LGI3: variants seen among roughly 807,000 people sequenced by gnomAD.
LGI3 encodes leucine-rich repeat LGI family member 3.
A neutral mutation model predicts 55.4 loss-of-function variants in LGI3; 47 were observed. That is an observed-to-expected ratio of 0.85 (90% CI 0.67 to 1.08). The LOEUF is 1.08. Among genes scored for constraint, LGI3 ranks in the 50% least tolerant of loss-of-function variants. The pLI is 0.00. For missense variants in LGI3, 664 were observed against 726.3 expected (o/e 0.91, Z 0.99); for synonymous variants, 326 against 315.0 (o/e 1.04, Z -0.37).
chr8:22,156,292 C>A, intron 1 of LGI3, 45 bp downstream of exon 1: 1 of 1,599,154 alleles, frequency 6.3e-7, no homozygotes, highest in Non-Finnish European at 8.5e-7. Flanking sequence ...CTGTCCTCGG[C>A]CTCCTCTCCC....
At chr8:22,155,513 A>G (rs1423913417) in intron 1 of LGI3, 50 bp from the exon 2 acceptor site, 5 of 1,482,814 alleles carry the variant, frequency 3.4e-6, no homozygotes, top group Non-Finnish European at 4.7e-6. Flanking sequence ...GGCTGTGCTG[A>G]GGCAGGGAGA....
chr8:22,148,821 G>A lies in LGI3; in HGVS notation c.986C>T (p.Pro329Leu), dbSNP rs1181906064. 2.5e-6 allele frequency: 4 copies of A among 1,614,200 alleles called. No individual in the cohort carries two copies. Among genetic ancestry groups the A allele is most frequent in the Admixed American group, 1.7e-5 (1 of 60,032 alleles). The change falls in exon 8 of 8, where the codon CCT becomes CTT. Residue 329 changes from proline to leucine, a missense_variant. Coordinates refer to ENST00000306317, the MANE Select transcript of LGI3 (RefSeq NM_139278.4). This position sits in a 1 kb window ranked among gnomAD's most constrained non-coding sequence, Gnocchi z 7.0. Reference sequence around the variant, plus strand: ...GATGCGGAAGGCTTCTAGGTCGTTAGGCTTGCGCACGCGCTGCGGGTCAAT... The same window carrying A: ...GATGCGGAAGGCTTCTAGGTCGTTAAGCTTGCGCACGCGCTGCGGGTCAAT... Reference protein sequence around the residue: ...QDIDPQRVRKPNDLEAFRIDG... With the variant: ...QDIDPQRVRKLNDLEAFRIDG...
chr8:22,154,720 AGACAT>A, intron 2 of LGI3, 89 bp from the exon 3 acceptor site: 2 of 980,452 alleles, frequency 2.0e-6, no homozygotes, highest in East Asian at 4.9e-5. Context: ...GGCTTCCCCA[AGACAT>A]GACTGCCCTG....
rs1827514566 is a variant in LGI3 at position 22,156,747 on chromosome 8, A to C, written c.-205T>G. 5.1e-6 allele frequency: 1 copy of C among 195,202 alleles called. No individual in the cohort carries two copies. The allele number at this position is 195,202 out of a possible 1,614,324, so 12.1% of individuals were successfully genotyped here. A position where few individuals can be genotyped will look rare whatever the true frequency, so the allele number is the denominator to read the frequency against. On this transcript the variant is annotated 5_prime_UTR_variant, in exon 1 of 8. Transcript: ENST00000306317. ...CTCCCGCGATCCGGCTCGGGAGAGA[A>C]GAGCGGAGCGCGGAGCTGGAGCCGC...
At position 22,148,460 on chromosome 8, in the gene LGI3, C is replaced by T. The variant is rs768566466; in HGVS notation, c.1347G>A (p.Leu449=). Residue 449 remains leucine (L), a synonymous_variant, in exon 8 of 8, where the codon CTG becomes CTA. Coordinates refer to ENST00000306317, the MANE Select transcript of LGI3 (RefSeq NM_139278.4). The surrounding 1 kb of genome is among the most constrained non-coding windows in gnomAD (Gnocchi z 7.0). The stretch of plus-strand genomic sequence containing the variant: ...CCGAGAAGCGGGTACCCTCCCAGCG[C>T]AGGATCTTGGAGTCGCCAATGTAGC... ...LSRYIGDSKI[L]RWEGTRFSEV... The T allele has an allele frequency of 1.9e-6, 3 of 1,612,428 alleles. No individual in the cohort carries two copies. The highest frequency in any genetic ancestry group is 1.1e-5 in the South Asian group (1 of 91,062).
Position 22,154,608 on chromosome 8 carries a change from G to A in LGI3, c.302C>T (p.Thr101Ile), listed in dbSNP as rs1437063881. The change falls in exon 3 of 8, where the codon ACA becomes ATA. Residue 101 changes from threonine to isoleucine, a missense_variant. Coordinates refer to ENST00000306317, the MANE Select transcript of LGI3 (RefSeq NM_139278.4). Reference sequence around the variant, plus strand: ...TGTGAAGGCGTTGTCTCCAATCAGTGTAAACTTGTTGGAGTTGAGTAACCT... The same window carrying A: ...TGTGAAGGCGTTGTCTCCAATCAGTATAAACTTGTTGGAGTTGAGTAACCT... The part of the protein sequence containing the change: ...QFLLLNSNKF[T>I]LIGDNAFTGL... 1 of 1,613,756 alleles carries A rather than the reference G, an allele frequency of 6.2e-7. No individual in the cohort carries two copies. The highest frequency in any genetic ancestry group is 1.1e-5 in the South Asian group (1 of 91,078).
chr8:22,153,062 ATT>A (rs143814952), intron 5 of LGI3, among the ~76,000 whole-genome samples: 2 of 148,142 alleles, frequency 1.4e-5, no homozygotes, highest in African/African-American at 5.0e-5. Flanking sequence ...AAAAAAAAAA[ATT>A]TTTTAAAGTA....
rs184908602 is a variant in LGI3, at chr8:22,149,609, A to C, written c.830-632T>G. 2.8e-3 allele frequency among the ~76,000 whole-genome samples: 420 copies of C among 152,280 alleles called. 3 individuals are homozygous for C. The highest frequency in any genetic ancestry group is 0.01 in the Middle Eastern group (3 of 294). On this transcript the variant is annotated intron_variant, in intron 7 of 7. Transcript: ENST00000306317. ...CTTTTATATACAAGAATGCATGCCC[A>C]TGTGCACCTATACTCACAATCAGCT...
At chr8:22,151,781 C>A in intron 6 of LGI3, 50 bp downstream of exon 6, 1 of 1,578,806 alleles carries the variant, frequency 6.3e-7, no homozygotes. Flanking sequence ...GTCTGTAAAG[C>A]TGCCTTGGGG....
In LGI3 at chr8:22,148,061, G is replaced by A. The variant is rs921804997; in HGVS notation, c.*99C>T. ...TGCGGATACAAGGGCATGAATGCAGGTTGGTCGCTTGTCTTCACACAGGCA... is the reference window on the plus strand; with the variant it reads ...TGCGGATACAAGGGCATGAATGCAGATTGGTCGCTTGTCTTCACACAGGCA... On this transcript the variant is annotated 3_prime_UTR_variant, in exon 8 of 8. Coordinates refer to ENST00000306317, the MANE Select transcript of LGI3 (RefSeq NM_139278.4). The surrounding 1 kb of genome is among the most constrained non-coding windows in gnomAD (Gnocchi z 7.0). The A allele has an allele frequency of 6.1e-6, 6 of 991,006 alleles. No homozygotes were observed. The highest frequency in any genetic ancestry group is 9.0e-6 in the Non-Finnish European group (6 of 666,802). 61.4% of individuals were successfully genotyped at this position (991,006 alleles called of 1,614,324 possible).
At position 22,154,550 on chromosome 8, in the gene LGI3, T is replaced by A; in HGVS notation, c.350+10A>T. Reference sequence around the variant, plus strand: ...TCTGCTTTCCCATTGCCCCTTTCCCTCCCACACACAGATACTGCAGGTGCG... The same window carrying A: ...TCTGCTTTCCCATTGCCCCTTTCCCACCCACACACAGATACTGCAGGTGCG... On this transcript the variant is annotated intron_variant, in intron 3 of 7. Coordinates refer to ENST00000306317, the MANE Select transcript of LGI3 (RefSeq NM_139278.4). 1 of 1,612,934 alleles carries A rather than the reference T, an allele frequency of 6.2e-7. No homozygotes were observed. The highest frequency in any genetic ancestry group is 8.5e-7 in the Non-Finnish European group (1 of 1,179,030).
In LGI3 at chr8:22,148,226, G is replaced by A. The variant is rs1827330623; in HGVS notation, c.1581C>T (p.Leu527=). ...CYMPAGDAQL[L]LAPSFKGQTL... is the part of the protein sequence containing the mutation. ...TCTGTCCCTTGAAGCTGGGGGCCAG[G>A]AGTAGCTGGGCGTCCCCAGCAGGCA... The change falls in exon 8 of 8, where the codon CTC becomes CTT. Residue 527 remains leucine, a synonymous_variant. Coordinates refer to ENST00000306317, the MANE Select transcript of LGI3 (RefSeq NM_139278.4). The surrounding 1 kb of genome is among the most constrained non-coding windows in gnomAD (Gnocchi z 7.0). 6.2e-7 allele frequency: 1 copy of A among 1,614,006 alleles called. No homozygotes were observed. The highest frequency in any genetic ancestry group is 1.3e-5 in the African/African-American group (1 of 75,044).
At chr8:22,150,975 C>T (rs1199890861) in intron 7 of LGI3, among the ~76,000 whole-genome samples, 1 of 151,996 alleles carries the variant, frequency 6.6e-6, no homozygotes, top group Non-Finnish European at 1.5e-5. Flanking sequence ...TACTGCACAC[C>T]TCCTTGACTT....
intron 2 of LGI3, 170 bp from the exon 3 acceptor site, chr8:22,154,801 C>A: frequency 1.7e-6 from 1 of 600,948 alleles, no homozygotes; most frequent in Non-Finnish European, 3.0e-6. Context: ...AGGCAGGAGC[C>A]TGTTCTGGCC....
chr8:22,148,182 A>ATG lies in LGI3; in HGVS notation c.1623_1624dup (p.Ile542ThrfsTer83). Reference sequence around the variant, plus strand: ...CCCCTAGGCACTGAGATCCACCACAATGTGTCTATACACCAGCGTCTGTCC... The same window carrying ATG: ...CCCCTAGGCACTGAGATCCACCACAATGTGTGTCTATACACCAGCGTCTGTCC... On this transcript the variant is annotated frameshift_variant, in exon 8 of 8. Transcript: ENST00000306317. LOFTEE classifies it high-confidence loss of function. The surrounding 1 kb of genome is among the most constrained non-coding windows in gnomAD (Gnocchi z 7.0). 6.2e-7 allele frequency: 1 copy of ATG among 1,607,012 alleles called. No individual in the cohort carries two copies. Among genetic ancestry groups the ATG allele is most frequent in the South Asian group, 1.1e-5 (1 of 90,062 alleles).
At chr8:22,156,255 C>T (rs1827496504) in intron 1 of LGI3, 82 bp downstream of exon 1, 3 of 1,432,262 alleles carry the variant, frequency 2.1e-6, no homozygotes, top group Non-Finnish European at 2.9e-6. Context: ...AGAGGGGGAG[C>T]GGGGGTTCTC....
chr8:22,156,590 A>C lies in LGI3; in HGVS notation c.-48T>G, dbSNP rs991817302. On this transcript the variant is annotated 5_prime_UTR_variant, in exon 1 of 8. Coordinates refer to ENST00000306317, the MANE Select transcript of LGI3 (RefSeq NM_139278.4). Reference sequence around the variant, plus strand: ...GGCCGGCGGCCGCGGCCCCCGCCCCACCGCTCCCGCGGCTGGGCCACCCCG... The same window carrying C: ...GGCCGGCGGCCGCGGCCCCCGCCCCCCCGCTCCCGCGGCTGGGCCACCCCG... The C allele has an allele frequency of 1.4e-6, 1 of 716,362 alleles. No homozygotes were observed. Among genetic ancestry groups the C allele is most frequent in the Non-Finnish European group, 1.9e-6 (1 of 532,612 alleles). The allele number at this position is 716,362 out of a possible 1,614,324, so 44.4% of individuals were successfully genotyped here.
intron 1 of LGI3, 101 bp downstream of exon 1, chr8:22,156,236 G>C: frequency 4.7e-6 from 6 of 1,284,334 alleles, no homozygotes; most frequent in Non-Finnish European, 6.6e-6. Flanking sequence ...CCTGGTCCCC[G>C]CACTCTGAAG....
intron 5 of LGI3, among the ~76,000 whole-genome samples, chr8:22,153,006 C>T (rs1827399764): frequency 6.7e-6 from 1 of 149,686 alleles, no homozygotes; most frequent in African/African-American, 2.5e-5. Flanking sequence ...CCTGAGATGG[C>T]ACCACTGCAC....
Sources: gnomAD v4.1 joint callset for allele counts (sites outside exome capture counted in the v4.1 genomes callset) on GRCh38, gnomAD v4.1.1 for gene constraint, Gnocchi (gnomAD v3.1) non-coding constraint, MANE v1.5 for transcripts, NCBI Gene and HGNC (gene_info 2026-07-23, HGNC 2026-07-21) for gene names.